UBN2: variants seen among roughly 807,000 people sequenced by gnomAD.
UBN2 encodes ubinuclein-2.
UBN2 carries 35 observed loss-of-function variants against 120.2 expected under a neutral mutation model. The observed-to-expected ratio is 0.29, with a 90% CI of 0.22 to 0.39. UBN2 has a LOEUF of 0.39. UBN2 is among the 10% of genes least tolerant of loss of function. UBN2 has a pLI of 1.00. For missense variants in UBN2, 1,693 were observed against 1,663.2 expected (o/e 1.02, Z -0.31); for synonymous variants, 661 against 648.7 (o/e 1.02, Z -0.29).
At chr7:139,260,983 GA>G (rs1276126383) in intron 5 of UBN2, among the ~76,000 whole-genome samples, 4 of 152,084 alleles carry the variant, frequency 2.6e-5, no homozygotes, top group African/African-American at 9.7e-5. Flanking sequence ...ATAGGATTTA[GA>G]AAAGATTTCT....
At chr7:139,319,407 C>T in the UBN2 span, among the ~76,000 whole-genome samples, 3 of 152,238 alleles carry the variant, frequency 2.0e-5, no homozygotes, top group Non-Finnish European at 4.4e-5. Context: ...TCTGCCACCC[C>T]ACCGTGCCTG....
intron 11 of UBN2, among the ~76,000 whole-genome samples, chr7:139,274,878 C>G (rs932817485): frequency 2.0e-5 from 3 of 151,874 alleles, no homozygotes; most frequent in Non-Finnish European, 4.4e-5. Context: ...ACTTTGAGCC[C>G]CAGGAATCTG....
rs963346942 is a variant in UBN2 at position 139,300,262 on chromosome 7, C to T, written c.*2426C>T. On this transcript the variant is annotated 3_prime_UTR_variant, in exon 18 of 18. Coordinates refer to ENST00000473989, the MANE Select transcript of UBN2 (RefSeq NM_173569.4). ...CTACTGTCAGATCCCTACCTTAAAC[C>T]CCCACCTGCACTGACGACTTACATT... The T allele has an allele frequency of 6.6e-6, 1 of 151,904 alleles. No homozygotes were observed. Among genetic ancestry groups the T allele is most frequent in the Non-Finnish European group, 1.5e-5 (1 of 68,014 alleles). The allele number at this position is 151,904 out of a possible 1,614,324, so 9.4% of individuals were successfully genotyped here.
chr7:139,259,175 T>A (rs1796854632), intron 4 of UBN2, 92 bp from the exon 5 acceptor site: 17 of 1,526,204 alleles, frequency 1.1e-5, no homozygotes, highest in Non-Finnish European at 1.5e-5. Flanking sequence ...ACACTGACAT[T>A]TGAGAAAAAC....
intron 11 of UBN2, among the ~76,000 whole-genome samples, chr7:139,275,258 CAA>C (rs1797407392): frequency 9.8e-6 from 1 of 102,210 alleles, no homozygotes; most frequent in East Asian, 2.9e-4. Flanking sequence ...ACCTGGGCAA[CAA>C]GAGCAAAACT....
intron 12 of UBN2, among the ~76,000 whole-genome samples, chr7:139,278,169 G>C (rs1053737080): frequency 4.7e-5 from 7 of 148,456 alleles, no homozygotes; most frequent in Non-Finnish European, 8.9e-5. Context: ...CTCCCTCTCT[G>C]TCTCTCTCTG....
chr7:139,322,054 AC>A, the UBN2 span, among the ~76,000 whole-genome samples: 5 of 152,056 alleles, frequency 3.3e-5, no homozygotes, highest in Non-Finnish European at 5.9e-5. Flanking sequence ...GCTCACTGCA[AC>A]CTCTGCCTCC....
At chr7:139,252,083 A>G in intron 3 of UBN2, 26 bp downstream of exon 3, 1 of 1,585,622 alleles carries the variant, frequency 6.3e-7, no homozygotes, top group South Asian at 1.1e-5. Flanking sequence ...TTAATATAGC[A>G]GCAAATTCAT....
intron 2 of UBN2, among the ~76,000 whole-genome samples, chr7:139,248,120 TAAC>T (rs1160425785): frequency 3.3e-5 from 5 of 152,188 alleles, no homozygotes; most frequent in Non-Finnish European, 5.9e-5. Flanking sequence ...TCTGATATCT[TAAC>T]ATATTGCTTT....
At chr7:139,320,771 C>T in the UBN2 span, among the ~76,000 whole-genome samples, 2 of 151,456 alleles carry the variant, frequency 1.3e-5, no homozygotes, top group African/African-American at 4.9e-5. Context: ...GCAGGAGAAT[C>T]GCTTGAACCG....
chr7:139,251,986 C>T lies in UBN2; in HGVS notation c.592C>T (p.Arg198Trp). 2.5e-6 allele frequency: 4 copies of T among 1,614,064 alleles called. No individual in the cohort carries two copies. Among genetic ancestry groups the T allele is most frequent in the Non-Finnish European group, 2.5e-6 (3 of 1,179,966 alleles). ...GAAACCCCGTAAACACCGGAAGGAT[C>T]GGCTACAAGATTTAATTGATATAGG... ...GGKPRKHRKDRLQDLIDIGFG... is the reference protein window; with the variant it reads ...GGKPRKHRKDWLQDLIDIGFG... Residue 198 changes from arginine (R) to tryptophan (W), a missense_variant, in exon 3 of 18, where the codon CGG becomes TGG. By Grantham distance (101) the Arg-to-Trp change is moderately radical (BLOSUM62 -3). This residue lies in a region of UBN2 where 663 missense variants were observed against 591.2 expected (regional missense o/e 1.12). Coordinates refer to ENST00000473989, the MANE Select transcript of UBN2 (RefSeq NM_173569.4).
At chr7:139,277,592 G>T (rs1038235051) in intron 12 of UBN2, 36 of 152,102 alleles carry the variant, frequency 2.4e-4, no homozygotes, top group Admixed American at 1.3e-3. Context: ...CATTGAGTTG[G>T]TTGTGGTTTT....
intron 8 of UBN2, 106 bp downstream of exon 8, chr7:139,269,629 A>G: frequency 8.1e-7 from 1 of 1,230,522 alleles, no homozygotes; most frequent in African/African-American, 1.5e-5. Flanking sequence ...GTCATATTGT[A>G]TGTATTTAAT....
At chr7:139,318,640 T>A in the UBN2 span, among the ~76,000 whole-genome samples, 1 of 152,080 alleles carries the variant, frequency 6.6e-6, no homozygotes, top group Admixed American at 6.6e-5. Context: ...GGACTACAGG[T>A]GCGTGCCACC....
chr7:139,252,618 A>G (rs138186398), intron 3 of UBN2, among the ~76,000 whole-genome samples: 17 of 152,100 alleles, frequency 1.1e-4, no homozygotes, highest in Non-Finnish European at 2.9e-5. Context: ...AGTGCATCTC[A>G]TGGTTTGCTG....
At chr7:139,244,811 C>T (rs967531030) in intron 2 of UBN2, among the ~76,000 whole-genome samples, 48 of 152,086 alleles carry the variant, frequency 3.2e-4, no homozygotes, top group African/African-American at 1.1e-3. Flanking sequence ...AAGTTGAGGA[C>T]CTTTTCAAAT....
intron 12 of UBN2, chr7:139,276,717 CA>C (rs1797452994): frequency 6.5e-6 from 1 of 152,906 alleles, no homozygotes; most frequent in South Asian, 2.0e-4. Flanking sequence ...AGAACAGTTT[CA>C]TTTTTCCCTA....
chr7:139,261,973 C>G (rs1322017096), intron 6 of UBN2, among the ~76,000 whole-genome samples: 3 of 140,108 alleles, frequency 2.1e-5, no homozygotes, highest in African/African-American at 8.0e-5. Context: ...TTAGTAGAGA[C>G]GGGGTTTCAC....
chr7:139,270,558 C>T (rs1173184151), intron 8 of UBN2, among the ~76,000 whole-genome samples: 4 of 151,512 alleles, frequency 2.6e-5, no homozygotes, highest in East Asian at 2.0e-4. Context: ...CGTGAGCCAC[C>T]GTGCCTGGCC....
Sources: gnomAD v4.1 joint callset for allele counts (sites outside exome capture counted in the v4.1 genomes callset) on GRCh38, gnomAD v4.1.1 for gene constraint, gnomAD v4.1.1 regional missense constraint, MANE v1.5 for transcripts, NCBI Gene and HGNC (gene_info 2026-07-23, HGNC 2026-07-21) for gene names.